MTG1: variants seen among roughly 807,000 people sequenced by gnomAD.
MTG1 encodes the protein mitochondrial ribosome-associated GTPase 1.
A neutral mutation model predicts 39.5 loss-of-function variants in MTG1; 30 were observed. The ratio of observed to expected loss-of-function variants is 0.76; its 90% CI spans 0.57 to 1.03. The LOEUF (loss-of-function observed/expected upper bound fraction) is 1.03, where lower values mean the gene tolerates loss of function less well. MTG1 is among the 50% of genes least tolerant of loss of function. MTG1 has a pLI of 0.00. For missense variants in MTG1, 513 were observed against 447.4 expected (o/e 1.15, Z -1.32); for synonymous variants, 217 against 179.0 (o/e 1.21, Z -1.69).
chr10:133,418,636 C>T (rs943958937), intron 9 of MTG1, among the ~76,000 whole-genome samples: 1 of 152,068 alleles, frequency 6.6e-6, no homozygotes, highest in Non-Finnish European at 1.5e-5. Context: ...TCTTGCTTTG[C>T]TGGGCCTTGG....
At chr10:133,401,888 C>G (rs549457962) in intron 7 of MTG1, 1 of 608,102 alleles carries the variant, frequency 1.6e-6, no homozygotes, top group Admixed American at 2.9e-5. Flanking sequence ...CCGCCCCACC[C>G]TCCACTCCCT....
At chr10:133,419,027 G>T (rs536311676) in intron 9 of MTG1, among the ~76,000 whole-genome samples, 25 of 152,354 alleles carry the variant, frequency 1.6e-4, no homozygotes, top group African/African-American at 5.5e-4. Context: ...AGGTGTACTG[G>T]CTGCCTGGAA....
At chr10:133,418,517 G>A (rs1027625346) in intron 9 of MTG1, among the ~76,000 whole-genome samples, 1 of 151,964 alleles carries the variant, frequency 6.6e-6, no homozygotes, top group African/African-American at 2.4e-5. Flanking sequence ...GAGCACCAGG[G>A]CACCCTTGAG....
intron 3 of MTG1, 94 bp downstream of exon 3, chr10:133,396,361 C>A: frequency 9.2e-7 from 1 of 1,082,434 alleles, no homozygotes; most frequent in South Asian, 1.3e-5. Flanking sequence ...GCACACTTGT[C>A]AGTTTGCCCA....
At position 133,398,618 on chromosome 10, in the gene MTG1, G is replaced by C. The variant is rs1382066185; in HGVS notation, c.363+103G>C. 4.5e-6 allele frequency: 6 copies of C among 1,336,518 alleles called. No individual in the cohort carries two copies. In the East Asian group the frequency reaches 1.4e-4, roughly 32 times the overall value. 82.8% of individuals were successfully genotyped at this position (1,336,518 alleles called of 1,614,324 possible). A position where few individuals can be genotyped will look rare whatever the true frequency, so the allele number is the denominator to read the frequency against. On this transcript the variant is annotated intron_variant, in intron 4 of 10. Transcript: ENST00000317502. Reference sequence around the variant, plus strand: ...TAGTAAGAAGCAGAGCTTTGGAAAAGATCCTAGGTGTTGGTTTCCAGCTGC... The same window carrying C: ...TAGTAAGAAGCAGAGCTTTGGAAAACATCCTAGGTGTTGGTTTCCAGCTGC...
intron 3 of MTG1, among the ~76,000 whole-genome samples, chr10:133,397,088 A>T (rs1849794162): frequency 6.6e-6 from 1 of 152,194 alleles, no homozygotes; most frequent in Admixed American, 6.5e-5. Context: ...TCTCCCTGTG[A>T]TGCTGTGCTT....
rs746003237 is a variant in MTG1, at chr10:133,395,767, A to C, written c.167A>C (p.His56Pro). 1.2e-6 allele frequency: 2 copies of C among 1,614,062 alleles called. No individual in the cohort carries two copies. The highest frequency in any genetic ancestry group is 1.7e-6 in the Non-Finnish European group (2 of 1,179,974). Residue 56 changes from histidine (H) to proline (P), a missense_variant, in exon 2 of 11, where the codon CAC becomes CCC. Coordinates refer to ENST00000317502, the MANE Select transcript of MTG1 (RefSeq NM_138384.4). ...LKLVDCIIEVHDARIPLSGRN... is the reference protein window; with the variant it reads ...LKLVDCIIEVPDARIPLSGRN... ...CTGGTGGACTGTATCATCGAGGTCC[A>C]CGATGCCCGGATATCCTTTCACAGA...
At chr10:133,418,664 C>T (rs995308497) in intron 9 of MTG1, among the ~76,000 whole-genome samples, 9 of 152,078 alleles carry the variant, frequency 5.9e-5, no homozygotes, top group African/African-American at 2.2e-4. Flanking sequence ...CCTCTGTTAC[C>T]GGCTCATGCT....
chr10:133,417,080 T>C (rs1201144621), intron 9 of MTG1, among the ~76,000 whole-genome samples: 1 of 151,744 alleles, frequency 6.6e-6, no homozygotes, highest in Non-Finnish European at 1.5e-5. Context: ...TTCCTGACTT[T>C]TTAATGATTG....
chr10:133,412,147 C>T (rs1379574965), intron 9 of MTG1, among the ~76,000 whole-genome samples: 4 of 151,948 alleles, frequency 2.6e-5, no homozygotes. Flanking sequence ...TGGTCTCATC[C>T]TCAGATTTGA....
chr10:133,409,204 T>C (rs1391359313), intron 9 of MTG1, among the ~76,000 whole-genome samples: 5 of 152,216 alleles, frequency 3.3e-5, no homozygotes, highest in Admixed American at 3.3e-4. Context: ...AGCAACACTT[T>C]TGCTGAATCC....
In MTG1 at chr10:133,402,274, G is replaced by A. The variant is rs762118324; in HGVS notation, c.670+29G>A. The A allele has an allele frequency of 2.4e-6, 3 of 1,276,550 alleles. No individual in the cohort carries two copies. The highest frequency in any genetic ancestry group is 3.6e-5 in the African/African-American group (2 of 55,380). 79.1% of individuals were successfully genotyped at this position (1,276,550 alleles called of 1,614,324 possible). On this transcript the variant is annotated intron_variant, in intron 8 of 10. Coordinates refer to ENST00000317502, the MANE Select transcript of MTG1 (RefSeq NM_138384.4). The surrounding 1 kb of genome is among the most constrained non-coding windows in gnomAD (Gnocchi z 4.7). ...AGCCGGGGCTGGGGCTGGGGCTGGG[G>A]CTGGGACCGGGGCCCCTGCCACCCC...
chr10:133,402,329 C>G lies in MTG1; in HGVS notation c.670+84C>G. The G allele has an allele frequency of 3.3e-6, 5 of 1,521,924 alleles. No individual in the cohort carries two copies. Among genetic ancestry groups the G allele is most frequent in the Non-Finnish European group, 4.5e-6 (5 of 1,103,552 alleles). 94.3% of individuals were successfully genotyped at this position (1,521,924 alleles called of 1,614,324 possible). A position where few individuals can be genotyped will look rare whatever the true frequency, so the allele number is the denominator to read the frequency against. The stretch of plus-strand genomic sequence containing the variant: ...TTAGGGCTGGCTTTGGCACAGGGCC[C>G]CTAGACGGGAGTTGTTACTGCCTTT... On this transcript the variant is annotated intron_variant, in intron 8 of 10. Transcript: ENST00000317502. This position sits in a 1 kb window ranked among gnomAD's most constrained non-coding sequence, Gnocchi z 4.7.
intron 4 of MTG1, 133 bp downstream of exon 4, chr10:133,398,648 C>T: frequency 1.0e-6 from 1 of 996,212 alleles, no homozygotes; most frequent in South Asian, 1.7e-5. Flanking sequence ...AGCTGCCACA[C>T]ACGGATGCGA....
chr10:133,412,329 C>T (rs987637596), intron 9 of MTG1, among the ~76,000 whole-genome samples: 6 of 152,072 alleles, frequency 3.9e-5, no homozygotes, highest in African/African-American at 1.4e-4. Flanking sequence ...TTTATGTTCA[C>T]TTTTGATTTT....
intron 9 of MTG1, among the ~76,000 whole-genome samples, chr10:133,411,609 A>T (rs928641485): frequency 1.4e-4 from 21 of 152,158 alleles, no homozygotes; most frequent in South Asian, 6.2e-4. Context: ...AGTTTTCTGT[A>T]TCTTGCATGT....
chr10:133,410,120 ACTGTAGCCTTGAACTC>A (rs1269246416), intron 9 of MTG1, among the ~76,000 whole-genome samples: 5 of 152,112 alleles, frequency 3.3e-5, no homozygotes, highest in African/African-American at 1.2e-4. Flanking sequence ...ATCATAGCTC[ACTGTAGCCTTGAACTC>A]CTGGGCTCAA....
chr10:133,406,128 A>G (rs1379396487), intron 9 of MTG1, among the ~76,000 whole-genome samples: 2 of 152,118 alleles, frequency 1.3e-5, no homozygotes, highest in Non-Finnish European at 2.9e-5. Context: ...GGCCATTTGT[A>G]TGTCTTCTTT....
chr10:133,394,254 G>T lies in MTG1; in HGVS notation c.34G>T (p.Ala12Ser), dbSNP rs1191868075. ...GACCCCGCGCGCGCTGTGCAGCGCCGCCCAGGCCGCCTGGCGGGAGAACTT... is the reference window on the plus strand; with the variant it reads ...GACCCCGCGCGCGCTGTGCAGCGCCTCCCAGGCCGCCTGGCGGGAGAACTT... ...RLTPRALCSA[A>S]QAAWRENFPL... The change falls in exon 1 of 11, where the codon GCC (alanine) becomes TCC (serine). Residue 12 changes from alanine (A) to serine (S), a missense_variant. By Grantham distance (99) the Ala-to-Ser change is moderately conservative (BLOSUM62 1). Coordinates refer to ENST00000317502, the MANE Select transcript of MTG1 (RefSeq NM_138384.4). 2.0e-6 allele frequency: 3 copies of T among 1,516,840 alleles called. No individual in the cohort carries two copies. The highest frequency in any genetic ancestry group is 2.9e-5 in the African/African-American group (2 of 69,504). The allele number at this position is 1,516,840 out of a possible 1,614,324, so 94.0% of individuals were successfully genotyped here.
Sources: allele counts gnomAD v4.1 joint callset (sites outside exome capture counted in the v4.1 genomes callset), GRCh38; gene constraint gnomAD v4.1.1; non-coding constraint Gnocchi (gnomAD v3.1); transcripts MANE v1.5; gene names NCBI Gene and HGNC (gene_info 2026-07-23, HGNC 2026-07-21).